The following EPC1 variants were observed in gnomAD, a reference collection of about 807,000 sequenced individuals.
EPC1 encodes the protein enhancer of polycomb homolog 1.
Under a neutral mutation model 98.4 loss-of-function variants are expected in EPC1, and 12 were observed. The observed-to-expected ratio is 0.12, with a 90% CI of 0.08 to 0.20. EPC1 has a LOEUF of 0.20. Ranked by LOEUF, EPC1 falls within the 10% of genes least tolerant of loss-of-function variation. The probability of loss-of-function intolerance (pLI) is 1.00; values close to 1 mark genes in which losing one functional copy is unlikely to be tolerated. For synonymous variants in EPC1, 357 were observed against 363.9 expected, an observed-to-expected ratio of 0.98 and a Z score of 0.21; for missense variants, 729 against 990.5, an observed-to-expected ratio of 0.74 and a Z score of 3.54.
intron 10 of EPC1, among the ~76,000 whole-genome samples, chr10:32,275,659 C>T (rs1836049195): frequency 6.6e-6 from 1 of 151,866 alleles, no homozygotes; most frequent in Non-Finnish European, 1.5e-5. Context: ...CCTGTAGTCC[C>T]AGCTAGTTGG....
rs1564517830 is a variant in EPC1 at position 32,273,276 on chromosome 10, TA to T, written c.1749del (p.Phe583LeufsTer59). ...TGATGTTGCTGGTATTGTTCGGCTG[TA>T]AATGCTGAACATAAAATAAAGAAAC... ...KSSSGSAHFA[F>X]TAEQYQQHQQ... is the part of the protein sequence containing the mutation. On this transcript the variant is annotated frameshift_variant, in exon 11 of 14. Coordinates refer to ENST00000319778, the MANE Select transcript of EPC1 (RefSeq NM_001272004.3). LOFTEE classifies it high-confidence loss of function. 2.5e-6 allele frequency: 4 copies of T among 1,614,024 alleles called. No individual in the cohort carries two copies. The highest frequency in any genetic ancestry group is 2.5e-6 in the Non-Finnish European group (3 of 1,179,896).
chr10:32,328,591 A>AGG (rs1007188252), intron 1 of EPC1, among the ~76,000 whole-genome samples: 4 of 152,210 alleles, frequency 2.6e-5, no homozygotes, highest in Non-Finnish European at 5.9e-5. Flanking sequence ...ATGGAAAAGG[A>AGG]GGAATCAATC....
At chr10:32,269,820 T>A (rs1835753468) in intron 13 of EPC1, among the ~76,000 whole-genome samples, 1 of 152,194 alleles carries the variant, frequency 6.6e-6, no homozygotes, top group African/African-American at 2.4e-5. Flanking sequence ...GTTACTTAAA[T>A]TCAGAAGCAG....
chr10:32,293,154 T>C lies in EPC1; in HGVS notation c.500A>G (p.Asp167Gly). ...ATAAACTTCTCTAATTAGTTCATCA[T>C]CTTCTTTTAGCAGTAGTTTGGCTTC... Reference protein sequence around the residue: ...LQEAKLLLKEDDELIREVYEY... With the variant: ...LQEAKLLLKEGDELIREVYEY... Residue 167 changes from aspartate to glycine, a missense_variant, in exon 4 of 14, where the codon GAT (aspartate) becomes GGT (glycine). This residue lies in a region of EPC1 where 94 missense variants were observed against 125.1 expected (regional missense o/e 0.75). Transcript: ENST00000319778. The C allele has an allele frequency of 6.2e-7, 1 of 1,613,428 alleles. No individual in the cohort carries two copies. Among genetic ancestry groups the C allele is most frequent in the Non-Finnish European group, 8.5e-7 (1 of 1,179,696 alleles).
rs542991094 is a variant in EPC1 at position 32,282,983 on chromosome 10, A to C, written c.1744+1715T>G. ...TCTTAAGACTATAAAAGTAGAGAGA[A>C]ACTGGCTTTTGGTGATAAAGACAGT... On this transcript the variant is annotated intron_variant, in intron 10 of 13. Transcript: ENST00000319778. The C allele has an allele frequency of 1.6e-3, 250 of 152,348 alleles. 2 individuals are homozygous for C. The highest frequency in any genetic ancestry group is 5.8e-3 in the African/African-American group (242 of 41,578). The allele number at this position is 152,348 out of a possible 1,614,324, so 9.4% of individuals were successfully genotyped here.
intron 10 of EPC1, among the ~76,000 whole-genome samples, chr10:32,279,281 G>A (rs1836272733): frequency 6.6e-6 from 1 of 151,916 alleles, no homozygotes; most frequent in Non-Finnish European, 1.5e-5. Flanking sequence ...CCGGTAGGCG[G>A]AGGTTGCAGT....
chr10:32,337,738 T>G (rs1838062353), intron 1 of EPC1, among the ~76,000 whole-genome samples: 1 of 152,222 alleles, frequency 6.6e-6, no homozygotes, highest in South Asian at 2.1e-4. Flanking sequence ...CTCTCTTTCA[T>G]AGCAGAGCTA....
chr10:32,300,783 C>G (rs113968227), intron 2 of EPC1, among the ~76,000 whole-genome samples: 4 of 151,970 alleles, frequency 2.6e-5, no homozygotes, highest in Non-Finnish European at 5.9e-5. Context: ...TATTGTTGTG[C>G]GAACTGTCCC....
intron 10 of EPC1, among the ~76,000 whole-genome samples, chr10:32,275,904 T>C (rs1162328525): frequency 6.6e-6 from 1 of 151,802 alleles, no homozygotes; most frequent in Non-Finnish European, 1.5e-5. Flanking sequence ...ACCATTGCAC[T>C]CTAACCTGGG....
At chr10:32,324,382 C>G (rs1473899295) in intron 1 of EPC1, among the ~76,000 whole-genome samples, 1 of 151,056 alleles carries the variant, frequency 6.6e-6, no homozygotes, top group Non-Finnish European at 1.5e-5. Context: ...GTAGTGAAAC[C>G]CGTCTCTGCG....
At chr10:32,332,527 G>C (rs923674123) in intron 1 of EPC1, among the ~76,000 whole-genome samples, 2 of 152,174 alleles carry the variant, frequency 1.3e-5, no homozygotes, top group African/African-American at 4.8e-5. Flanking sequence ...TTACCACTTG[G>C]TACACACTCT....
chr10:32,331,313 T>C (rs7088395), intron 1 of EPC1, among the ~76,000 whole-genome samples: 8,933 of 150,580 alleles, frequency 0.059, 830 homozygotes, highest in African/African-American at 0.2. Flanking sequence ...GATAGCACCA[T>C]TGCACTCCAG....
chr10:32,357,783 C>G (rs550065265), intron 1 of EPC1, among the ~76,000 whole-genome samples: 3 of 150,614 alleles, frequency 2.0e-5, no homozygotes, highest in East Asian at 2.0e-4. Context: ...TTTGTTTTTG[C>G]TTTTCATTGG....
intron 1 of EPC1, among the ~76,000 whole-genome samples, chr10:32,314,557 T>G (rs929822781): frequency 6.6e-6 from 1 of 152,210 alleles, no homozygotes; most frequent in Non-Finnish European, 1.5e-5. Flanking sequence ...TCTCCCTCTC[T>G]TCTCTCCAGC....
intron 1 of EPC1, chr10:32,345,058 G>C: frequency 2.6e-6 from 2 of 774,002 alleles, no homozygotes; most frequent in Non-Finnish European, 3.1e-6. Context: ...CCCAATACTT[G>C]AAAGTATTAT....
intron 1 of EPC1, among the ~76,000 whole-genome samples, chr10:32,375,940 C>T (rs1358809566): frequency 6.6e-6 from 1 of 151,968 alleles, no homozygotes; most frequent in East Asian, 1.9e-4. Flanking sequence ...AGCTCATGAA[C>T]TACATTTCTA....
chr10:32,358,126 ATT>A (rs1839334349), intron 1 of EPC1, among the ~76,000 whole-genome samples: 1 of 152,122 alleles, frequency 6.6e-6, no homozygotes, highest in African/African-American at 2.4e-5. Flanking sequence ...AAGTGGTGGG[ATT>A]ACAGGCATGA....
chr10:32,280,503 G>A (rs901917536), intron 10 of EPC1, among the ~76,000 whole-genome samples: 7 of 150,596 alleles, frequency 4.6e-5, no homozygotes, highest in Non-Finnish European at 8.9e-5. Flanking sequence ...CATATTGGGA[G>A]GCCGAAACGG....
intron 1 of EPC1, among the ~76,000 whole-genome samples, chr10:32,319,698 CAG>C (rs1467941580): frequency 8.6e-5 from 13 of 152,042 alleles, no homozygotes; most frequent in Admixed American, 6.6e-5. Flanking sequence ...TTCTTTGAGA[CAG>C]AGTCTTGCTC....
Sources: allele counts gnomAD v4.1 joint callset (sites outside exome capture counted in the v4.1 genomes callset), GRCh38; gene constraint gnomAD v4.1.1; regional missense constraint gnomAD v4.1.1; transcripts MANE v1.5; gene names NCBI Gene and HGNC (gene_info 2026-07-23, HGNC 2026-07-21).